FREM1: variants seen among roughly 807,000 people sequenced by gnomAD.
FREM1 encodes FRAS1 related extracellular matrix 1.
A neutral mutation model predicts 210.1 loss-of-function variants in FREM1; 220 were observed. The ratio of observed to expected loss-of-function variants is 1.05; its 90% CI spans 0.94 to 1.17. The LOEUF (loss-of-function observed/expected upper bound fraction) is 1.17, where lower values mean the gene tolerates loss of function less well. FREM1 is among the 50% of genes most tolerant of loss of function. The pLI, the probability that FREM1 is intolerant of heterozygous loss-of-function variation, is 0.00. For missense variants in FREM1, 3,454 were observed against 2,675.5 expected, an observed-to-expected ratio of 1.29 and a Z score of -6.42; for synonymous variants, 1,189 against 980.2, an observed-to-expected ratio of 1.21 and a Z score of -3.98.
intron 35 of FREM1, among the ~76,000 whole-genome samples, chr9:14,746,147 AC>A (rs1484022573): frequency 1.3e-5 from 2 of 152,144 alleles, no homozygotes; most frequent in Non-Finnish European, 2.9e-5. Flanking sequence ...AACTGCAAGT[AC>A]TTTTGCACCA....
chr9:14,858,116 T>C (rs1039469776), intron 4 of FREM1, among the ~76,000 whole-genome samples: 18 of 152,294 alleles, frequency 1.2e-4, no homozygotes, highest in Admixed American at 6.5e-4. Flanking sequence ...GTCTCTATCA[T>C]ACAATCTCTA....
Position 14,863,846 on chromosome 9 carries a change from T to C in FREM1, c.292A>G (p.Ile98Val), listed in dbSNP as rs371148891. 5.6e-6 allele frequency: 9 copies of C among 1,613,458 alleles called. No homozygotes were observed. The highest frequency in any genetic ancestry group is 1.6e-4 in the Middle Eastern group (1 of 6,062). Residue 98 changes from isoleucine to valine, a missense_variant, in exon 3 of 37, where the codon ATT becomes GTT. Coordinates refer to ENST00000380880, the MANE Select transcript of FREM1 (RefSeq NM_001379081.2). Reference sequence around the variant, plus strand: ...AGCTTCACTGTGTCTTCATCAAGAATTGGACAACCATTGTGAACATACTTG... The same window carrying C: ...AGCTTCACTGTGTCTTCATCAAGAACTGGACAACCATTGTGAACATACTTG... Reference protein sequence around the residue: ...EVKYVHNGCPILDEDTVKLRL... With the variant: ...EVKYVHNGCPVLDEDTVKLRL...
In FREM1 at chr9:14,875,847, GT is replaced by G. The variant is rs566262582; in HGVS notation, c.-267-6604del. Among the ~76,000 whole-genome samples the G allele has an allele frequency of 3.2e-4, 49 of 152,226 alleles. 1 individual carries two copies. The South Asian group carries it at 9.4e-3, about 29-fold the overall frequency. ...TTTGATGATGGTGATTTACAGATGG[GT>G]TTTTGGTGTGGATGTCCTTTCTGTT... On this transcript the variant is annotated intron_variant, in intron 1 of 36. Coordinates refer to ENST00000380880, the MANE Select transcript of FREM1 (RefSeq NM_001379081.2).
At chr9:14,818,106 C>A (rs192408726) in intron 14 of FREM1, among the ~76,000 whole-genome samples, 83 of 152,270 alleles carry the variant, frequency 5.5e-4, no homozygotes, top group African/African-American at 1.9e-3. Flanking sequence ...AGAATGGATA[C>A]CTTGTCAGAC....
intron 29 of FREM1, among the ~76,000 whole-genome samples, chr9:14,751,056 C>T (rs1843280731): frequency 1.3e-5 from 2 of 152,112 alleles, no homozygotes; most frequent in Admixed American, 6.5e-5. Flanking sequence ...ATTAAGACTG[C>T]AAGAAGAAAC....
intron 35 of FREM1, among the ~76,000 whole-genome samples, chr9:14,744,552 G>T (rs916169936): frequency 6.6e-6 from 1 of 151,892 alleles, no homozygotes; most frequent in East Asian, 1.9e-4. Context: ...TATCTACATT[G>T]TTGGACGCTT....
At chr9:14,851,661 T>A in intron 5 of FREM1, 54 bp from the exon 6 acceptor site, 6 of 1,263,024 alleles carry the variant, frequency 4.8e-6, no homozygotes, top group South Asian at 1.2e-5. Flanking sequence ...TGAGGTGATA[T>A]CATACAGGGC....
At chr9:14,901,163 T>A (rs1026204334) in intron 1 of FREM1, among the ~76,000 whole-genome samples, 10 of 152,202 alleles carry the variant, frequency 6.6e-5, no homozygotes, top group African/African-American at 2.4e-4. Flanking sequence ...AAGTGGATAT[T>A]TAGGTTTAGG....
At chr9:14,828,636 G>GGT (rs1362076859) in intron 10 of FREM1, among the ~76,000 whole-genome samples, 1 of 117,704 alleles carries the variant, frequency 8.5e-6, no homozygotes, top group Non-Finnish European at 1.9e-5. Context: ...CATAAATTGT[G>GGT]GCGGGGCGGG....
intron 36 of FREM1, among the ~76,000 whole-genome samples, chr9:14,738,643 G>A (rs933364926): frequency 1.8e-4 from 27 of 152,080 alleles, no homozygotes; most frequent in African/African-American, 5.8e-4. Context: ...CAAATACAAC[G>A]CCTTTAAAGA....
At chr9:14,847,795 C>T (rs1826962291) in intron 7 of FREM1, among the ~76,000 whole-genome samples, 1 of 152,122 alleles carries the variant, frequency 6.6e-6, no homozygotes, top group Non-Finnish European at 1.5e-5. Flanking sequence ...ACAGACTATT[C>T]CATCTCTACA....
chr9:14,869,924 T>C (rs1305654842), intron 1 of FREM1, among the ~76,000 whole-genome samples: 1 of 152,252 alleles, frequency 6.6e-6, no homozygotes, highest in African/African-American at 2.4e-5. Context: ...GTATTTATAC[T>C]ATCTACAATG....
intron 5 of FREM1, among the ~76,000 whole-genome samples, chr9:14,852,022 G>C (rs1827844926): frequency 6.6e-6 from 1 of 152,052 alleles, no homozygotes; most frequent in Non-Finnish European, 1.5e-5. Flanking sequence ...ATTAATACTA[G>C]ACTACCAAGA....
At chr9:14,795,630 T>C (rs1490014144) in intron 21 of FREM1, among the ~76,000 whole-genome samples, 1 of 152,170 alleles carries the variant, frequency 6.6e-6, no homozygotes, top group East Asian at 1.9e-4. Context: ...ATTCTGTAGA[T>C]GTAGCTATTC....
Position 14,789,040 on chromosome 9 carries a change from T to C in FREM1, c.4056A>G (p.Arg1352=), listed in dbSNP as rs756667790. ...AATCCATTGCCCCGGTGTGTGTGTA[T>C]CTCAGCAAGTTCAGATCCACTTCCT... ...TQEEVDLNLL[R]YTHTGAMDSQ... is the part of the protein sequence containing the mutation. Residue 1352 remains arginine, a synonymous_variant, in exon 23 of 37, where the codon AGA becomes AGG. Coordinates refer to ENST00000380880, the MANE Select transcript of FREM1 (RefSeq NM_001379081.2). 8 of 1,610,462 alleles carry C rather than the reference T, an allele frequency of 5.0e-6. No individual in the cohort carries two copies. In the East Asian group the frequency reaches 1.8e-4, roughly 36 times the overall value.
chr9:14,778,850 C>A (rs981086784), intron 24 of FREM1, among the ~76,000 whole-genome samples: 13 of 151,598 alleles, frequency 8.6e-5, no homozygotes, highest in African/African-American at 3.1e-4. Flanking sequence ...TGAGACCAGC[C>A]TGGGCAACAT....
At chr9:14,837,358 C>T (rs570897980) in intron 10 of FREM1, among the ~76,000 whole-genome samples, 1 of 152,244 alleles carries the variant, frequency 6.6e-6, no homozygotes, top group East Asian at 1.9e-4. Flanking sequence ...CCACCTCTGT[C>T]TCTGTACAGG....
chr9:14,893,530 T>A (rs1837225781), intron 1 of FREM1, among the ~76,000 whole-genome samples: 1 of 152,192 alleles, frequency 6.6e-6, no homozygotes, highest in Non-Finnish European at 1.5e-5. Context: ...TTGTCTTCTG[T>A]GTAGTTATAT....
chr9:14,818,631 T>C (rs1210874108), intron 14 of FREM1, among the ~76,000 whole-genome samples: 1 of 152,176 alleles, frequency 6.6e-6, no homozygotes, highest in African/African-American at 2.4e-5. Flanking sequence ...CAGAACTGCA[T>C]TAGGTAGAGG....
Sources: allele counts gnomAD v4.1 joint callset (sites outside exome capture counted in the v4.1 genomes callset), GRCh38; gene constraint gnomAD v4.1.1; transcripts MANE v1.5; gene names NCBI Gene and HGNC (gene_info 2026-07-23, HGNC 2026-07-21).